The following TSPAN9 variants were observed in gnomAD, a reference collection of about 807,000 sequenced individuals.
The protein encoded by TSPAN9 is tetraspanin 9, also known as tetraspanin-9.
In TSPAN9, 16 loss-of-function variants were observed where a neutral mutation model predicts 31.0. The ratio of observed to expected loss-of-function variants is 0.52; its 90% CI spans 0.35 to 0.78. TSPAN9 has a LOEUF of 0.78. TSPAN9 is among the 30% of genes least tolerant of loss of function. The pLI, the probability that TSPAN9 is intolerant of heterozygous loss-of-function variation, is 0.01. For synonymous variants in TSPAN9, 145 were observed against 121.6 expected (o/e 1.19, Z -1.27); for missense variants, 272 against 312.5 (o/e 0.87, Z 0.98).
intron 2 of TSPAN9, among the ~76,000 whole-genome samples, chr12:3,096,099 C>G (rs1252842913): frequency 6.6e-6 from 1 of 152,146 alleles, no homozygotes; most frequent in Non-Finnish European, 1.5e-5. Context: ...GCCCGCTGAA[C>G]TCCATCCTCC....
At chr12:3,145,812 C>G (rs555621644) in intron 2 of TSPAN9, among the ~76,000 whole-genome samples, 2 of 152,326 alleles carry the variant, frequency 1.3e-5, no homozygotes, top group East Asian at 3.9e-4. Flanking sequence ...GCTGGGAAAT[C>G]GGAAATGAAA....
At chr12:3,135,368 G>A (rs891651510) in intron 2 of TSPAN9, among the ~76,000 whole-genome samples, 4 of 152,182 alleles carry the variant, frequency 2.6e-5, no homozygotes, top group African/African-American at 7.2e-5. Context: ...TTACAGGAGC[G>A]AGCCACTGTG....
Position 3,220,220 on chromosome 12 carries a change from C to T in TSPAN9, c.63+18964C>T, listed in dbSNP as rs149739855. The stretch of plus-strand genomic sequence containing the variant: ...ACTAGTAGTTACCTGTAACAGCTAC[C>T]ATTTCTGAAGCTGACACCGTGCTGT... On this transcript the variant is annotated intron_variant, in intron 3 of 8. Coordinates refer to ENST00000011898, the MANE Select transcript of TSPAN9 (RefSeq NM_006675.5). Among the ~76,000 whole-genome samples, 29 of 152,148 alleles carry T rather than the reference C, an allele frequency of 1.9e-4. 1 individual carries two copies. The East Asian group carries it at 5.6e-3, about 29-fold the overall frequency.
At chr12:3,132,039 C>T (rs2098330045) in intron 2 of TSPAN9, among the ~76,000 whole-genome samples, 1 of 152,196 alleles carries the variant, frequency 6.6e-6, no homozygotes, top group Non-Finnish European at 1.5e-5. Context: ...CCTTCTGTGT[C>T]TGGCTTCCTG....
At chr12:3,138,473 CTTTTTTTT>C (rs1565589406) in intron 2 of TSPAN9, among the ~76,000 whole-genome samples, 1 of 150,522 alleles carries the variant, frequency 6.6e-6, no homozygotes, top group Non-Finnish European at 1.5e-5. Flanking sequence ...TTCTTTTTTT[CTTTTTTTT>C]GAGACAGGGC....
intron 2 of TSPAN9, among the ~76,000 whole-genome samples, chr12:3,150,525 T>C (rs1441799680): frequency 6.6e-6 from 1 of 152,246 alleles, no homozygotes; most frequent in Non-Finnish European, 1.5e-5. Flanking sequence ...GAGGCTGATA[T>C]ATACGCACGT....
chr12:3,209,675 G>A (rs117144468), intron 3 of TSPAN9, among the ~76,000 whole-genome samples: 1,958 of 150,422 alleles, frequency 0.013, 21 homozygotes, highest in South Asian at 0.039. Context: ...GTTTCTAAGC[G>A]TGGGCCGGGC....
At chr12:3,138,395 G>C (rs2098333047) in intron 2 of TSPAN9, among the ~76,000 whole-genome samples, 1 of 151,934 alleles carries the variant, frequency 6.6e-6, no homozygotes, top group Non-Finnish European at 1.5e-5. Context: ...TGAATTGGTG[G>C]GATGGGAAGA....
chr12:3,105,926 C>T (rs546595138), intron 2 of TSPAN9, among the ~76,000 whole-genome samples: 1 of 152,072 alleles, frequency 6.6e-6, no homozygotes, highest in South Asian at 2.1e-4. Flanking sequence ...GTGCTTGGTC[C>T]CATCCACACT....
chr12:3,231,024 T>A (rs1468750558), intron 3 of TSPAN9, among the ~76,000 whole-genome samples: 1 of 152,144 alleles, frequency 6.6e-6, no homozygotes. Context: ...ACCTTCTGCC[T>A]GGGAAGTGAA....
At chr12:3,208,734 C>G (rs940158337) in intron 3 of TSPAN9, among the ~76,000 whole-genome samples, 3 of 152,218 alleles carry the variant, frequency 2.0e-5, no homozygotes, top group African/African-American at 7.2e-5. Flanking sequence ...CAAACGCCTG[C>G]CCACTTAGAA....
Position 3,286,294 on chromosome 12 carries a change from T to A in TSPAN9, c.*3178T>A. On this transcript the variant is annotated 3_prime_UTR_variant, in exon 9 of 9. Transcript: ENST00000011898. The surrounding 1 kb of genome is among the most constrained non-coding windows in gnomAD (Gnocchi z 4.1). Reference sequence around the variant, plus strand: ...CTTTCCTCCTCCCCACTGCAGTGAGTCAATAGTCCAGGGTGGGGCCTGGCC... The same window carrying A: ...CTTTCCTCCTCCCCACTGCAGTGAGACAATAGTCCAGGGTGGGGCCTGGCC... The A allele has an allele frequency of 6.6e-6, 1 of 152,486 alleles. No homozygotes were observed. Among genetic ancestry groups the A allele is most frequent in the Non-Finnish European group, 1.5e-5 (1 of 68,052 alleles). 9.4% of individuals were successfully genotyped at this position (152,486 alleles called of 1,614,324 possible).
intron 2 of TSPAN9, among the ~76,000 whole-genome samples, chr12:3,114,474 C>T (rs182245651): frequency 2.6e-5 from 4 of 152,272 alleles, no homozygotes; most frequent in Non-Finnish European, 5.9e-5. Flanking sequence ...GAGTGAATGA[C>T]ACCTTAGACA....
At chr12:3,123,257 CCTT>C (rs757973661) in intron 2 of TSPAN9, among the ~76,000 whole-genome samples, 54 of 152,212 alleles carry the variant, frequency 3.5e-4, no homozygotes, top group Non-Finnish European at 3.7e-4. Context: ...ACCTGTTGCT[CCTT>C]GAACCGCTTC....
chr12:3,078,074 C>A (rs774577100), intron 1 of TSPAN9, among the ~76,000 whole-genome samples: 1 of 152,198 alleles, frequency 6.6e-6, no homozygotes, highest in East Asian at 1.9e-4. Context: ...AATATTTGTA[C>A]TTGTACATCT....
chr12:3,129,242 T>C (rs1350296933), intron 2 of TSPAN9, among the ~76,000 whole-genome samples: 1 of 152,184 alleles, frequency 6.6e-6, no homozygotes, highest in Non-Finnish European at 1.5e-5. Flanking sequence ...CCCACTCTTC[T>C]CCTCTCCAGT....
chr12:3,096,710 T>A (rs1839981508), intron 2 of TSPAN9, among the ~76,000 whole-genome samples: 1 of 151,724 alleles, frequency 6.6e-6, no homozygotes, highest in Non-Finnish European at 1.5e-5. Flanking sequence ...TTTTTTTTTT[T>A]ATTTTGAGAC....
At chr12:3,276,931 G>A (rs1440423500) in intron 3 of TSPAN9, among the ~76,000 whole-genome samples, 2 of 152,124 alleles carry the variant, frequency 1.3e-5, no homozygotes, top group Non-Finnish European at 2.9e-5. Context: ...GCCTAATTGC[G>A]GGTTGCCCTG....
rs999898917 is a variant in TSPAN9, at chr12:3,246,080, G to A, written c.64-32341G>A. ...AGGCTGTACAGGAAGCATGGTGCCGGCATCTGCTTGGCTTCTGCTGAGGCC... is the reference window on the plus strand; with the variant it reads ...AGGCTGTACAGGAAGCATGGTGCCGACATCTGCTTGGCTTCTGCTGAGGCC... On this transcript the variant is annotated intron_variant, in intron 3 of 8. Transcript: ENST00000011898. Among the ~76,000 whole-genome samples the A allele has an allele frequency of 5.3e-5, 8 of 151,736 alleles. No individual in the cohort carries two copies. In the South Asian group the frequency reaches 1.5e-3, roughly 28 times the overall value.
Sources: allele counts gnomAD v4.1 joint callset (sites outside exome capture counted in the v4.1 genomes callset), GRCh38; gene constraint gnomAD v4.1.1; non-coding constraint Gnocchi (gnomAD v3.1); transcripts MANE v1.5; gene names NCBI Gene and HGNC (gene_info 2026-07-23, HGNC 2026-07-21).